SLCO6A1: variants seen among roughly 807,000 people sequenced by gnomAD.
SLCO6A1 encodes the protein solute carrier organic anion transporter family member 6A1, also known as cancer/testis antigen 48.
In SLCO6A1, 65 loss-of-function variants were observed where a neutral mutation model predicts 72.7. The ratio of observed to expected loss-of-function variants is 0.89; its 90% CI spans 0.73 to 1.10. The LOEUF (loss-of-function observed/expected upper bound fraction) is 1.10. Ranked by LOEUF, SLCO6A1 falls within the 50% of genes least tolerant of loss-of-function variation. SLCO6A1 has a pLI of 0.00. For missense variants in SLCO6A1, 874 were observed against 872.6 expected, an observed-to-expected ratio of 1.00 and a Z score of -0.02; for synonymous variants, 314 against 298.2, an observed-to-expected ratio of 1.05 and a Z score of -0.55.
At chr5:102,431,585 G>C (rs1584713) in intron 7 of SLCO6A1, among the ~76,000 whole-genome samples, 43,038 of 151,966 alleles carry the variant, frequency 0.28, 6,363 homozygotes, top group South Asian at 0.35. Flanking sequence ...ATTGTGCTGG[G>C]GTCCAAGAGA....
At chr5:102,413,281 G>T (rs896086357) in intron 8 of SLCO6A1, 138 bp from the exon 9 acceptor site, 3 of 775,906 alleles carry the variant, frequency 3.9e-6, no homozygotes, top group Middle Eastern at 3.9e-4. Flanking sequence ...GAGGTCTGAG[G>T]TACAATAGAC....
intron 7 of SLCO6A1, among the ~76,000 whole-genome samples, chr5:102,426,890 G>A (rs1335198848): frequency 2.0e-5 from 3 of 152,004 alleles, no homozygotes; most frequent in Admixed American, 1.3e-4. Flanking sequence ...CATGATAGAC[G>A]GGATAAAGAA....
At chr5:102,425,076 A>C (rs974472901) in intron 7 of SLCO6A1, among the ~76,000 whole-genome samples, 2 of 152,200 alleles carry the variant, frequency 1.3e-5, no homozygotes, top group Non-Finnish European at 2.9e-5. Flanking sequence ...ACACCCCTTC[A>C]TGCTAAAAAC....
At chr5:102,420,098 T>C (rs1748511148) in intron 7 of SLCO6A1, 77 bp from the exon 8 acceptor site, 1 of 1,205,370 alleles carries the variant, frequency 8.3e-7, no homozygotes, top group African/African-American at 1.6e-5. Context: ...TGATACAATT[T>C]CCTTTGCTCT....
chr5:102,376,551 T>C (rs917455058), intron 12 of SLCO6A1, among the ~76,000 whole-genome samples: 8 of 151,864 alleles, frequency 5.3e-5, no homozygotes, highest in Middle Eastern at 3.4e-3. Context: ...AAGAAAAAAA[T>C]GGAAAAATTA....
intron 1 of SLCO6A1, among the ~76,000 whole-genome samples, chr5:102,485,018 G>A (rs1368973084): frequency 6.6e-6 from 1 of 152,038 alleles, no homozygotes; most frequent in Non-Finnish European, 1.5e-5. Flanking sequence ...TTGGGAGGCT[G>A]AGGCGGGTGA....
intron 4 of SLCO6A1, 54 bp from the exon 5 acceptor site, chr5:102,459,831 A>G (rs1317105168): frequency 6.8e-7 from 1 of 1,462,550 alleles, no homozygotes; most frequent in African/African-American, 1.5e-5. Context: ...TGATTACAAC[A>G]AAACCATAAT....
At chr5:102,468,714 G>A (rs1751434500) in intron 4 of SLCO6A1, among the ~76,000 whole-genome samples, 1 of 151,974 alleles carries the variant, frequency 6.6e-6, no homozygotes, top group Non-Finnish European at 1.5e-5. Flanking sequence ...CTTTAAGTTT[G>A]TGTGAGTCCT....
intron 7 of SLCO6A1, among the ~76,000 whole-genome samples, chr5:102,436,935 C>T (rs1348603282): frequency 1.3e-5 from 2 of 152,116 alleles, no homozygotes; most frequent in Non-Finnish European, 2.9e-5. Flanking sequence ...GATTCAAGAA[C>T]ATAGGGGTGG....
intron 6 of SLCO6A1, among the ~76,000 whole-genome samples, chr5:102,453,832 C>CT (rs921714750): frequency 6.6e-6 from 1 of 152,078 alleles, no homozygotes. Flanking sequence ...AGGGCTTCCA[C>CT]TTTTTGCTGA....
chr5:102,379,867 G>A (rs900427475), intron 12 of SLCO6A1, among the ~76,000 whole-genome samples: 1 of 149,106 alleles, frequency 6.7e-6, no homozygotes, highest in Admixed American at 6.7e-5. Context: ...GTTCTTATCT[G>A]TGAACTTTTT....
chr5:102,460,571 G>C (rs975578114), intron 4 of SLCO6A1, among the ~76,000 whole-genome samples: 1 of 152,062 alleles, frequency 6.6e-6, no homozygotes, highest in East Asian at 1.9e-4. Context: ...ATTTAAGGAG[G>C]AGATTAGGGG....
At chr5:102,404,806 T>C (rs1423731787) in intron 9 of SLCO6A1, among the ~76,000 whole-genome samples, 2 of 152,144 alleles carry the variant, frequency 1.3e-5, no homozygotes. Flanking sequence ...CTGTGCTCTA[T>C]TACCTATAAA....
intron 10 of SLCO6A1, among the ~76,000 whole-genome samples, chr5:102,398,726 A>G (rs964241537): frequency 6.6e-6 from 1 of 152,134 alleles, no homozygotes; most frequent in Non-Finnish European, 1.5e-5. Context: ...ATTCATTATC[A>G]TGCTATCCTG....
chr5:102,400,448 T>C (rs1747336150), intron 9 of SLCO6A1, among the ~76,000 whole-genome samples: 1 of 152,048 alleles, frequency 6.6e-6, no homozygotes, highest in Admixed American at 6.6e-5. Flanking sequence ...CAAAAGTGTC[T>C]AGAGTCAATG....
chr5:102,423,208 C>G (rs1748702598), intron 7 of SLCO6A1, among the ~76,000 whole-genome samples: 1 of 152,044 alleles, frequency 6.6e-6, no homozygotes, highest in Non-Finnish European at 1.5e-5. Context: ...TGAAGAAACT[C>G]CATCAACTAC....
intron 10 of SLCO6A1, among the ~76,000 whole-genome samples, chr5:102,395,883 G>C (rs1271308216): frequency 6.6e-6 from 1 of 152,124 alleles, no homozygotes; most frequent in East Asian, 1.9e-4. Flanking sequence ...CTTTTTGATG[G>C]GGTTGTTTGT....
Position 102,399,577 on chromosome 5 carries a change from G to A in SLCO6A1, c.1792C>T (p.Pro598Ser). 1.3e-6 allele frequency: 2 copies of A among 1,573,818 alleles called. No individual in the cohort carries two copies. The highest frequency in any genetic ancestry group is 1.7e-6 in the Non-Finnish European group (2 of 1,156,846). Residue 598 changes from proline to serine, a missense_variant, in exon 10 of 14, where the codon CCA becomes TCA. Coordinates refer to ENST00000506729, the MANE Select transcript of SLCO6A1 (RefSeq NM_173488.5). ...TACCGCGTCATGGCCAAGACGATTG[G>A]TACACCAGAAAAACCAGAAAATATA... ...TLIFSGFSGV[P>S]IVLAMTRVVP...
chr5:102,397,587 C>T (rs1030495078), intron 10 of SLCO6A1, among the ~76,000 whole-genome samples: 1 of 152,144 alleles, frequency 6.6e-6, no homozygotes, highest in Non-Finnish European at 1.5e-5. Flanking sequence ...AAGCCTCCTT[C>T]TCCTTCTTTC....
Sources: gnomAD v4.1 joint callset for allele counts (sites outside exome capture counted in the v4.1 genomes callset) on GRCh38, gnomAD v4.1.1 for gene constraint, MANE v1.5 for transcripts, NCBI Gene and HGNC (gene_info 2026-07-23, HGNC 2026-07-21) for gene names.